The following HEATR9 variants were observed in gnomAD, a reference collection of about 807,000 sequenced individuals.
HEATR9 encodes HEAT repeat containing 9, also known as protein HEATR9.
Under a neutral mutation model 68.2 loss-of-function variants are expected in HEATR9, and 54 were observed. The ratio of observed to expected loss-of-function variants is 0.79; its 90% CI spans 0.64 to 0.99. The LOEUF is 0.99. Among genes scored for constraint, HEATR9 ranks in the 50% least tolerant of loss-of-function variants. HEATR9 has a pLI of 0.00. For synonymous variants in HEATR9, 241 were observed against 253.5 expected (o/e 0.95, Z 0.47); for missense variants, 662 against 679.7 (o/e 0.97, Z 0.29).
chr17:35,864,784 C>G lies in HEATR9; in HGVS notation c.427G>C (p.Asp143His), dbSNP rs761216795. Reference protein sequence around the residue: ...MRSRPLEPTQDPLKWQRLREL... With the variant: ...MRSRPLEPTQHPLKWQRLREL... ...CTTAATCTTTGCCACTTCAGGGGGTCCTGGGTAGGCTCTAAGGGCCTGGAT... is the reference window on the plus strand; with the variant it reads ...CTTAATCTTTGCCACTTCAGGGGGTGCTGGGTAGGCTCTAAGGGCCTGGAT... Residue 143 changes from aspartate to histidine, a missense_variant, in exon 4 of 15, where the codon GAC becomes CAC. Asp to His is a moderately conservative substitution (Grantham distance 81). Coordinates refer to ENST00000604834, the MANE Select transcript of HEATR9 (RefSeq NM_152781.4). The G allele has an allele frequency of 6.2e-7, 1 of 1,614,154 alleles. No individual in the cohort carries two copies. The highest frequency in any genetic ancestry group is 1.7e-5 in the Admixed American group (1 of 60,022).
In HEATR9 at chr17:35,864,243, C is replaced by T. The variant is rs758134448; in HGVS notation, c.567+3G>A. On this transcript the variant is annotated splice_donor_region_variant and intron_variant, in intron 6 of 14. Coordinates refer to ENST00000604834, the MANE Select transcript of HEATR9 (RefSeq NM_152781.4). ...CCTGAACTCCAGCAGTTCTCAGACT[C>T]ACCACCTGCTGTAGTGCCTCCATGA... The T allele has an allele frequency of 1.4e-5, 22 of 1,609,160 alleles. No homozygotes were observed. Among genetic ancestry groups the T allele is most frequent in the Middle Eastern group, 1.7e-4 (1 of 6,054 alleles).
intron 8 of HEATR9, among the ~76,000 whole-genome samples, chr17:35,860,470 A>G (rs1397336712): frequency 7.4e-6 from 1 of 135,484 alleles, no homozygotes; most frequent in Non-Finnish European, 1.5e-5. Flanking sequence ...TTATTTATTT[A>G]TTTATTTATT....
intron 6 of HEATR9, 177 bp downstream of exon 6, chr17:35,864,069 G>C (rs928391011): frequency 1.7e-6 from 1 of 594,522 alleles, no homozygotes; most frequent in South Asian, 2.2e-5. Context: ...TTTAGATCCA[G>C]CTGCTCTTCG....
In HEATR9 at chr17:35,864,842, T is replaced by G; in HGVS notation, c.369A>C (p.Pro123=). 2 of 1,614,188 alleles carry G rather than the reference T, an allele frequency of 1.2e-6. No individual in the cohort carries two copies. The highest frequency in any genetic ancestry group is 1.7e-6 in the Non-Finnish European group (2 of 1,180,040). The change falls in exon 4 of 15, where the codon CCA becomes CCC. Residue 123 remains proline (P), a synonymous_variant. Transcript: ENST00000604834. ...CAGATTTTATAGTCAGCTTGCTCATTGGGAGATGGAACATTTTGATGTGGG... is the reference window on the plus strand; with the variant it reads ...CAGATTTTATAGTCAGCTTGCTCATGGGGAGATGGAACATTTTGATGTGGG... The part of the protein sequence containing the change: ...HQTHIKMFHL[P]MSKLTIKSEM...
At chr17:35,866,697 C>A in intron 2 of HEATR9, 27 bp downstream of exon 2, 1 of 1,608,680 alleles carries the variant, frequency 6.2e-7, no homozygotes, top group South Asian at 1.1e-5. Flanking sequence ...ATACAGCTCC[C>A]AGGGTAGCAA....
In HEATR9 at chr17:35,862,953, T is replaced by C. The variant is rs375091798; in HGVS notation, c.756+42A>G. 9 of 1,614,032 alleles carry C rather than the reference T, an allele frequency of 5.6e-6. No homozygotes were observed. In the African/African-American group the frequency reaches 1.2e-4, roughly 22 times the overall value. ...CCCAAGCTAAACCTATCAATTACCTTGTCCAGCTTTGCCCCCAATTAAAGA... is the reference window on the plus strand; with the variant it reads ...CCCAAGCTAAACCTATCAATTACCTCGTCCAGCTTTGCCCCCAATTAAAGA... On this transcript the variant is annotated intron_variant, in intron 8 of 14. Transcript: ENST00000604834.
chr17:35,856,961 G>A (rs192614514), intron 11 of HEATR9, among the ~76,000 whole-genome samples, 156 bp from the exon 12 acceptor site: 1 of 150,320 alleles, frequency 6.7e-6, no homozygotes, highest in Admixed American at 6.7e-5. Context: ...AGGTAAATAG[G>A]CAATTATAAT....
At position 35,855,035 on chromosome 17, in the gene HEATR9, A is replaced by T; in HGVS notation, c.*28T>A. On this transcript the variant is annotated 3_prime_UTR_variant, in exon 15 of 15. Transcript: ENST00000604834. ...GCCTGAGAAGCATCTTCAGGGAGGG[A>T]GTCGGGGAGTAGGCCCAAAGAATTG... The T allele has an allele frequency of 6.4e-7, 1 of 1,562,654 alleles. No homozygotes were observed.
chr17:35,858,354 G>A (rs1162635856), intron 10 of HEATR9, 35 bp from the exon 11 acceptor site: 1 of 1,614,112 alleles, frequency 6.2e-7, no homozygotes, highest in Non-Finnish European at 8.5e-7. Flanking sequence ...GGGGAGGTGT[G>A]AAAGATGGAT....
At position 35,864,647 on chromosome 17, in the gene HEATR9, C is replaced by T. The variant is rs1384275358; in HGVS notation, c.454-94G>A. The T allele has an allele frequency of 1.9e-5, 30 of 1,580,194 alleles. 1 individual carries two copies. The South Asian group carries it at 3.3e-4, about 17-fold the overall frequency. On this transcript the variant is annotated intron_variant, in intron 4 of 14. Coordinates refer to ENST00000604834, the MANE Select transcript of HEATR9 (RefSeq NM_152781.4). ...TCATCCAATCCAATCCCTTTTCCTA[C>T]CCTACCTCTGTTTTTCAGGCAAGGA...
intron 8 of HEATR9, 23 bp from the exon 9 acceptor site, chr17:35,859,093 A>G (rs2143905954): frequency 1.9e-6 from 3 of 1,609,684 alleles, no homozygotes; most frequent in Middle Eastern, 3.3e-4. Context: ...CAAAATGGCT[A>G]AGGGGAGGGG....
chr17:35,860,482 T>A (rs868413759), intron 8 of HEATR9, among the ~76,000 whole-genome samples: 3,096 of 139,934 alleles, frequency 0.022, 57 homozygotes, highest in Admixed American at 0.056. Flanking sequence ...TTATTTATTT[T>A]ATTTATTTAT....
chr17:35,861,863 G>T (rs575710843), intron 8 of HEATR9, among the ~76,000 whole-genome samples: 7 of 142,666 alleles, frequency 4.9e-5, no homozygotes, highest in Non-Finnish European at 7.7e-5. Flanking sequence ...CTTTTTCTTG[G>T]TTTTTTTTTT....
chr17:35,856,271 G>C (rs544360718), intron 12 of HEATR9, 47 bp from the exon 13 acceptor site: 21 of 1,613,828 alleles, frequency 1.3e-5, no homozygotes, highest in Non-Finnish European at 1.7e-5. Context: ...AAGGAGTAGG[G>C]GAAGTGGAAG....
In HEATR9 at chr17:35,862,510, C is replaced by G. The variant is rs188975854; in HGVS notation, c.756+485G>C. Among the ~76,000 whole-genome samples the G allele has an allele frequency of 1.8e-3, 267 of 152,220 alleles. 1 individual carries two copies. The highest frequency in any genetic ancestry group is 1.6e-3 in the Non-Finnish European group (107 of 68,014). On this transcript the variant is annotated intron_variant, in intron 8 of 14. Coordinates refer to ENST00000604834, the MANE Select transcript of HEATR9 (RefSeq NM_152781.4). Reference sequence around the variant, plus strand: ...GAGATGATGATAATAATGATGGTTACCATTTAAAGAGCATAGGCATTGTAC... The same window carrying G: ...GAGATGATGATAATAATGATGGTTAGCATTTAAAGAGCATAGGCATTGTAC...
At chr17:35,861,492 G>A (rs9303692) in intron 8 of HEATR9, 184,170 of 1,267,380 alleles carry the variant, frequency 0.15, 15,047 homozygotes, top group East Asian at 0.34. Context: ...ACACCTTGCA[G>A]TCGTTGCGGA....
intron 2 of HEATR9, 127 bp downstream of exon 2, chr17:35,866,597 C>A: frequency 1.2e-6 from 1 of 867,770 alleles, no homozygotes; most frequent in South Asian, 1.5e-5. Flanking sequence ...TGTTCAAGAT[C>A]ACAGTTAATG....
chr17:35,858,867 C>A (rs763015464), intron 9 of HEATR9, 21 bp downstream of exon 9: 1 of 1,609,216 alleles, frequency 6.2e-7, no homozygotes, highest in Non-Finnish European at 8.5e-7. Context: ...CCCAGGGATC[C>A]CAGCCTCCTG....
chr17:35,857,497 C>G (rs1027830565), intron 11 of HEATR9, among the ~76,000 whole-genome samples: 1 of 152,146 alleles, frequency 6.6e-6, no homozygotes, highest in Non-Finnish European at 1.5e-5. Context: ...CAGTGGCTCA[C>G]GCCTGTAATC....
Sources: gnomAD v4.1 joint callset for allele counts (sites outside exome capture counted in the v4.1 genomes callset) on GRCh38, gnomAD v4.1.1 for gene constraint, MANE v1.5 for transcripts, NCBI Gene and HGNC (gene_info 2026-07-23, HGNC 2026-07-21) for gene names.